The following RACGAP1 variants were observed in gnomAD, a reference collection of about 807,000 sequenced individuals.
RACGAP1 encodes the protein Rac GTPase activating protein 1.
Under a neutral mutation model 78.1 loss-of-function variants are expected in RACGAP1, and 30 were observed. The observed-to-expected ratio is 0.38, with a 90% CI of 0.29 to 0.52. The LOEUF (loss-of-function observed/expected upper bound fraction) is 0.52, where lower values mean the gene tolerates loss of function less well. Ranked by LOEUF, RACGAP1 falls within the 20% of genes least tolerant of loss-of-function variation. The probability of loss-of-function intolerance (pLI) is 0.82; values close to 1 mark genes in which losing one functional copy is unlikely to be tolerated. For missense variants in RACGAP1, 587 were observed against 777.1 expected, an observed-to-expected ratio of 0.76 and a Z score of 2.91; for synonymous variants, 231 against 264.8, an observed-to-expected ratio of 0.87 and a Z score of 1.24.
intron 2 of RACGAP1, among the ~76,000 whole-genome samples, chr12:50,016,298 C>T (rs1217431973): frequency 6.6e-6 from 1 of 152,124 alleles, no homozygotes; most frequent in African/African-American, 2.4e-5. Context: ...CAAGGAATCG[C>T]TTGAACCCGG....
intron 12 of RACGAP1, among the ~76,000 whole-genome samples, chr12:49,993,704 G>A (rs77106177): frequency 0.092 from 13,417 of 145,780 alleles, 715 homozygotes; most frequent in South Asian, 0.15. Flanking sequence ...AGCCGATAGC[G>A]CCACTGCACT....
chr12:50,016,410 A>G (rs1565697901), intron 2 of RACGAP1, among the ~76,000 whole-genome samples: 2 of 152,112 alleles, frequency 1.3e-5, no homozygotes, highest in Non-Finnish European at 2.9e-5. Flanking sequence ...AGATAATAAA[A>G]AAGCCTGGCT....
upstream of RACGAP1, chr12:50,025,551 G>T (rs1950244443): frequency 1.1e-5 from 11 of 985,232 alleles, no homozygotes; most frequent in South Asian, 5.2e-4. Context: ...TCTACGGTGT[G>T]ACGTACGCGT....
chr12:49,992,412 C>A, intron 13 of RACGAP1, 35 bp from the exon 14 acceptor site: 1 of 1,606,728 alleles, frequency 6.2e-7, no homozygotes, highest in South Asian at 1.1e-5. Flanking sequence ...AAGTCTTGCT[C>A]CTTGCTTAAA....
chr12:50,004,397 A>G, intron 4 of RACGAP1, 93 bp from the exon 5 acceptor site: 1 of 1,473,678 alleles, frequency 6.8e-7, no homozygotes, highest in Non-Finnish European at 9.1e-7. Flanking sequence ...GTCAGGTAAC[A>G]TCAGTTAATT....
intron 2 of RACGAP1, among the ~76,000 whole-genome samples, chr12:50,011,411 C>T (rs558188712): frequency 3.3e-5 from 5 of 150,886 alleles, no homozygotes; most frequent in African/African-American, 1.2e-4. Flanking sequence ...CTAAAAAACA[C>T]AGGGTCACTT....
intron 2 of RACGAP1, among the ~76,000 whole-genome samples, chr12:50,031,217 C>T (rs2137779366): frequency 6.6e-6 from 1 of 151,904 alleles, no homozygotes; most frequent in East Asian, 2.0e-4. Flanking sequence ...TGGCTCACAC[C>T]TGTAATCCCA....
intron 1 of RACGAP1, among the ~76,000 whole-genome samples, chr12:50,018,065 G>A (rs1191726913): frequency 1.3e-5 from 2 of 151,842 alleles, no homozygotes; most frequent in Admixed American, 1.3e-4. Context: ...GGCTGAGGCA[G>A]GAGGATCGCT....
exon 2 of RACGAP1, chr12:50,031,753 C>G: frequency 1.0e-6 from 1 of 985,478 alleles, no homozygotes; most frequent in Non-Finnish European, 1.2e-6. Context: ...TTGGCATAAA[C>G]TCCCGCAGCA....
chr12:49,993,739 T>C (rs1592132198), intron 12 of RACGAP1, among the ~76,000 whole-genome samples: 3 of 92,456 alleles, frequency 3.2e-5, no homozygotes, highest in Non-Finnish European at 6.8e-5. Flanking sequence ...AGAGAAAGAC[T>C]CCGTCTTAAA....
At chr12:50,032,172 A>C (rs1807226590) in intron 1 of RACGAP1, among the ~76,000 whole-genome samples, 1 of 151,854 alleles carries the variant, frequency 6.6e-6, no homozygotes, top group African/African-American at 2.4e-5. Context: ...AATAATAATA[A>C]TAGTTATTTC....
At chr12:50,024,106 A>G (rs956959086) in intron 1 of RACGAP1, among the ~76,000 whole-genome samples, 2 of 152,074 alleles carry the variant, frequency 1.3e-5, no homozygotes, top group African/African-American at 4.8e-5. Flanking sequence ...GCTTGCAGTG[A>G]GCCGAGATCG....
chr12:50,000,358 A>G lies in RACGAP1; in HGVS notation c.631-625T>C, dbSNP rs576154540. 6.0e-5 allele frequency among the ~76,000 whole-genome samples: 9 copies of G among 151,068 alleles called. No homozygotes were observed. The East Asian group carries it at 6.0e-4, about 10-fold the overall frequency. ...GTAGAGACGGGATTTCGCCATGTTGACCAGGCTGGTCTCGAACTCCTGACC... is the reference window on the plus strand; with the variant it reads ...GTAGAGACGGGATTTCGCCATGTTGGCCAGGCTGGTCTCGAACTCCTGACC... On this transcript the variant is annotated intron_variant, in intron 7 of 16. Transcript: ENST00000312377.
chr12:50,011,563 C>CA (rs1251835459), intron 2 of RACGAP1, among the ~76,000 whole-genome samples: 1 of 151,406 alleles, frequency 6.6e-6, no homozygotes, highest in Non-Finnish European at 1.5e-5. Flanking sequence ...CTTGTCTCTA[C>CA]AAAAAATAGA....
chr12:50,007,028 T>C (rs1949016156), intron 2 of RACGAP1, among the ~76,000 whole-genome samples: 1 of 152,162 alleles, frequency 6.6e-6, no homozygotes, highest in Non-Finnish European at 1.5e-5. Context: ...AACAGTTTCC[T>C]TTACAGTCAC....
At chr12:50,026,065 T>C (rs1393289151), upstream of RACGAP1, among the ~76,000 whole-genome samples, 2 of 152,244 alleles carry the variant, frequency 1.3e-5, no homozygotes, top group African/African-American at 2.4e-5. Flanking sequence ...AAAATGAAAA[T>C]AAAATACTAT....
chr12:50,021,932 AC>A (rs1950030774), intron 1 of RACGAP1, among the ~76,000 whole-genome samples: 1 of 152,244 alleles, frequency 6.6e-6, no homozygotes, highest in Non-Finnish European at 1.5e-5. Context: ...AGTCTCTAAT[AC>A]AACTGGCGGA....
At position 49,992,275 on chromosome 12, in the gene RACGAP1, T is replaced by C. The variant is rs1215438846; in HGVS notation, c.1548A>G (p.Thr516=). 6.2e-7 allele frequency: 1 copy of C among 1,614,114 alleles called. No homozygotes were observed. Among genetic ancestry groups the C allele is most frequent in the Non-Finnish European group, 8.5e-7 (1 of 1,180,022 alleles). The stretch of plus-strand genomic sequence containing the variant: ...GTTGACGCTTGATGTCCTGTAACAT[T>C]GTCACTGGGTCTGGATTGGGCACAG... ...AHAVPNPDPV[T]MLQDIKRQPK... The change falls in exon 14 of 17, where the codon ACA becomes ACG. Residue 516 remains threonine (T), a synonymous_variant. Coordinates refer to ENST00000312377, the MANE Select transcript of RACGAP1 (RefSeq NM_001319999.2).
upstream of RACGAP1, among the ~76,000 whole-genome samples, chr12:50,026,443 T>C (rs1353584720): frequency 2.6e-5 from 4 of 151,940 alleles, no homozygotes; most frequent in African/African-American, 9.7e-5. Context: ...TAGAGGAAAA[T>C]TTAGATCTAT....
Sources: allele counts gnomAD v4.1 joint callset (sites outside exome capture counted in the v4.1 genomes callset), GRCh38; gene constraint gnomAD v4.1.1; transcripts MANE v1.5; gene names NCBI Gene and HGNC (gene_info 2026-07-23, HGNC 2026-07-21).